Variants in TMOD3 observed in about 807,000 individuals in gnomAD.
The protein encoded by TMOD3 is tropomodulin 3.
In TMOD3, 20 loss-of-function variants were observed where a neutral mutation model predicts 39.2. The observed-to-expected ratio is 0.51, with a 90% CI of 0.36 to 0.74. The LOEUF is 0.74. TMOD3 is among the 30% of genes least tolerant of loss of function. The pLI is 0.00. For missense variants in TMOD3, 381 were observed against 412.8 expected (o/e 0.92, Z 0.67); for synonymous variants, 143 against 145.8 (o/e 0.98, Z 0.14).
intron 3 of TMOD3, chr15:51,875,250 T>C (rs1025903214): frequency 1.4e-4 from 21 of 152,218 alleles, no homozygotes; most frequent in Non-Finnish European, 2.1e-4. Context: ...ACTGGGCAAT[T>C]GGTTTCCGCT....
chr15:51,870,644 C>T (rs758675958), intron 3 of TMOD3, among the ~76,000 whole-genome samples: 9 of 152,116 alleles, frequency 5.9e-5, no homozygotes, highest in Non-Finnish European at 1.0e-4. Flanking sequence ...GTAGGTAAGC[C>T]GTAAGCTCTG....
chr15:51,854,720 A>C (rs1384854532), intron 1 of TMOD3, among the ~76,000 whole-genome samples: 1 of 152,224 alleles, frequency 6.6e-6, no homozygotes. Context: ...AAAACAAAGC[A>C]GTTCTCCCAG....
chr15:51,908,951 A>G lies in TMOD3; in HGVS notation c.*141A>G. ...GACATGCATTTTTTTTTTAGTTGTT[A>G]TCAAATTGTAAAATCAGTAATGTGA... is the stretch of plus-strand genomic sequence containing the variant. On this transcript the variant is annotated 3_prime_UTR_variant, in exon 10 of 10. Coordinates refer to ENST00000308580, the MANE Select transcript of TMOD3 (RefSeq NM_014547.5). 2.1e-6 allele frequency: 1 copy of G among 474,762 alleles called. No homozygotes were observed. Among genetic ancestry groups the G allele is most frequent in the Non-Finnish European group, 3.7e-6 (1 of 267,042 alleles). 29.4% of individuals were successfully genotyped at this position (474,762 alleles called of 1,614,324 possible).
chr15:51,905,485 T>TA (rs537106014), intron 9 of TMOD3, among the ~76,000 whole-genome samples: 1,529 of 138,812 alleles, frequency 0.011, 26 homozygotes, highest in Admixed American at 0.032. Context: ...AGACTTTGTC[T>TA]AAAAAAAAAA....
chr15:51,894,503 AACC>A (rs1406926040), intron 6 of TMOD3, among the ~76,000 whole-genome samples: 5 of 152,306 alleles, frequency 3.3e-5, no homozygotes, highest in African/African-American at 1.2e-4. Context: ...AATTTTGTAC[AACC>A]ACCATTACAC....
At chr15:51,889,850 C>T (rs1479567817) in intron 5 of TMOD3, among the ~76,000 whole-genome samples, 3 of 152,146 alleles carry the variant, frequency 2.0e-5, no homozygotes. Context: ...GGCAACAGTG[C>T]AAGACCCTAT....
chr15:51,850,751 G>T (rs923482827), intron 1 of TMOD3, among the ~76,000 whole-genome samples: 1 of 152,030 alleles, frequency 6.6e-6, no homozygotes, highest in African/African-American at 2.4e-5. Flanking sequence ...TTGTTTGTTT[G>T]TTTGAGACGG....
At chr15:51,833,242 AAGAAT>A (rs1332849415) in intron 1 of TMOD3, 2 of 152,254 alleles carry the variant, frequency 1.3e-5, no homozygotes, top group African/African-American at 4.8e-5. Context: ...ACAATGATCA[AAGAAT>A]AGAAGTGTGA....
chr15:51,879,856 T>TCTCACACACACACACACACACA (rs1555387131), intron 3 of TMOD3, among the ~76,000 whole-genome samples: 4 of 142,558 alleles, frequency 2.8e-5, no homozygotes, highest in African/African-American at 1.0e-4. Context: ...TCTCTGTCTT[T>TCTCACACACACACACACACACA]CACACACACA....
chr15:51,904,955 C>T (rs2056670703), intron 9 of TMOD3, among the ~76,000 whole-genome samples: 1 of 152,206 alleles, frequency 6.6e-6, no homozygotes, highest in Admixed American at 6.5e-5. Context: ...ACTCTCTAGA[C>T]TCCCAGTTAC....
At chr15:51,833,650 A>G (rs1595887867) in intron 1 of TMOD3, among the ~76,000 whole-genome samples, 1 of 152,280 alleles carries the variant, frequency 6.6e-6, no homozygotes, top group South Asian at 2.1e-4. Flanking sequence ...GGCTTCTTTC[A>G]TGTAAGAAAG....
intron 2 of TMOD3, among the ~76,000 whole-genome samples, chr15:51,864,264 CAA>C (rs33983902): frequency 6.7e-5 from 7 of 103,986 alleles, no homozygotes; most frequent in Admixed American, 1.0e-4. Context: ...AGACTTATCT[CAA>C]AAAAAAAAAA....
At chr15:51,861,990 G>C (rs910097505) in intron 1 of TMOD3, among the ~76,000 whole-genome samples, 4 of 152,158 alleles carry the variant, frequency 2.6e-5, no homozygotes, top group African/African-American at 9.7e-5. Flanking sequence ...CATATGGCTG[G>C]AATATGCAGA....
Position 51,900,280 on chromosome 15 carries a change from G to A in TMOD3, c.861G>A (p.Glu287=), listed in dbSNP as rs2056643356. Residue 287 remains glutamate (E), a synonymous_variant, in exon 8 of 10, where the codon GAG becomes GAA. Transcript: ENST00000308580. The part of the protein sequence containing the change: ...DALRDNETLA[E]LKIDNQRQQL... ...TAAGAGATAATGAAACCCTGGCAGA[G>A]CTCAAGATTGACAATCAGGTCAATG... 2 of 1,614,086 alleles carry A rather than the reference G, an allele frequency of 1.2e-6. No homozygotes were observed. The highest frequency in any genetic ancestry group is 1.7e-6 in the Non-Finnish European group (2 of 1,180,004).
chr15:51,856,907 T>A (rs1325496743), intron 1 of TMOD3, among the ~76,000 whole-genome samples: 1 of 152,206 alleles, frequency 6.6e-6, no homozygotes, highest in African/African-American at 2.4e-5. Context: ...TTCCCAGCAA[T>A]TCCATTCCTA....
At chr15:51,834,525 G>C (rs1209784455) in intron 1 of TMOD3, among the ~76,000 whole-genome samples, 1 of 152,044 alleles carries the variant, frequency 6.6e-6, no homozygotes, top group Non-Finnish European at 1.5e-5. Context: ...AGCAACATAG[G>C]TTTAAGAAAA....
chr15:51,885,869 G>A lies in TMOD3; in HGVS notation c.284-1720G>A, dbSNP rs1595905674. Among the ~76,000 whole-genome samples, 7 of 150,360 alleles carry A rather than the reference G, an allele frequency of 4.7e-5. No homozygotes were observed. In the South Asian group the frequency reaches 1.5e-3, roughly 32 times the overall value. ...CCCACTTCCCAGACGGGGCGGCCGG[G>A]CAGAGGCGCCCCCCACCTCCCAGAC... On this transcript the variant is annotated intron_variant, in intron 3 of 9. Coordinates refer to ENST00000308580, the MANE Select transcript of TMOD3 (RefSeq NM_014547.5).
intron 5 of TMOD3, among the ~76,000 whole-genome samples, chr15:51,890,628 A>G (rs1403497253): frequency 6.6e-6 from 1 of 152,136 alleles, no homozygotes. Flanking sequence ...TAATTGGGTA[A>G]CCTCAATATT....
intron 3 of TMOD3, among the ~76,000 whole-genome samples, chr15:51,873,554 G>C (rs2056486786): frequency 6.6e-6 from 1 of 152,152 alleles, no homozygotes; most frequent in African/African-American, 2.4e-5. Flanking sequence ...TGGCCTCAGG[G>C]TGCAGTACCT....
Sources: allele counts gnomAD v4.1 joint callset (sites outside exome capture counted in the v4.1 genomes callset), GRCh38; gene constraint gnomAD v4.1.1; transcripts MANE v1.5; gene names NCBI Gene and HGNC (gene_info 2026-07-23, HGNC 2026-07-21).